The following PTPRA variants were observed in gnomAD, a reference collection of about 807,000 sequenced individuals.
PTPRA encodes the protein receptor-type tyrosine-protein phosphatase alpha.
A neutral mutation model predicts 104.8 loss-of-function variants in PTPRA; 25 were observed. The ratio of observed to expected loss-of-function variants is 0.24; its 90% confidence interval spans 0.17 to 0.33. The LOEUF is 0.33. PTPRA is among the 10% of genes least tolerant of loss of function. The pLI is 1.00. For synonymous variants in PTPRA, 323 were observed against 368.9 expected (o/e 0.88, Z 1.43); for missense variants, 765 against 1,015.3 (o/e 0.75, Z 3.35).
chr20:3,015,757 G>T, intron 11 of PTPRA, 92 bp from the exon 12 acceptor site: 1 of 1,084,190 alleles, frequency 9.2e-7, no homozygotes. Flanking sequence ...ACATTTTCAG[G>T]TTTTGTTAAC....
At chr20:2,918,087 CAAAAAAAAAAA>C (rs149539458) in intron 1 of PTPRA, among the ~76,000 whole-genome samples, 1 of 94,310 alleles carries the variant, frequency 1.1e-5, no homozygotes, top group Non-Finnish European at 2.1e-5. Flanking sequence ...GACTCTGTCT[CAAAAAAAAAAA>C]AAAAAAAAAA....
At chr20:2,982,667 C>T (rs1281307384) in intron 6 of PTPRA, among the ~76,000 whole-genome samples, 2 of 151,820 alleles carry the variant, frequency 1.3e-5, no homozygotes, top group South Asian at 4.2e-4. Flanking sequence ...AAGGTCCTTG[C>T]CTTACAAAAA....
At chr20:3,031,395 T>C (rs776134986) in intron 20 of PTPRA, among the ~76,000 whole-genome samples, 1 of 151,928 alleles carries the variant, frequency 6.6e-6, no homozygotes, top group Admixed American at 6.6e-5. Flanking sequence ...CTACTGGTCT[T>C]GAATCCCCAT....
chr20:3,031,089 C>T (rs559702333), intron 20 of PTPRA, among the ~76,000 whole-genome samples: 10 of 152,130 alleles, frequency 6.6e-5, no homozygotes, highest in Non-Finnish European at 1.0e-4. Context: ...GCCAGGAACT[C>T]CCATGCTGGG....
At chr20:2,908,804 T>C (rs1356748441) in intron 1 of PTPRA, among the ~76,000 whole-genome samples, 2 of 152,218 alleles carry the variant, frequency 1.3e-5, no homozygotes, top group Non-Finnish European at 2.9e-5. Context: ...TTCGACATGA[T>C]GGTTATGCAC....
chr20:2,901,217 C>T (rs2059223897), intron 1 of PTPRA, among the ~76,000 whole-genome samples: 1 of 152,150 alleles, frequency 6.6e-6, no homozygotes, highest in South Asian at 2.1e-4. Flanking sequence ...GATCCACCTG[C>T]TTCGGCCTCC....
chr20:3,010,870 C>T lies in PTPRA; in HGVS notation c.906+3450C>T, dbSNP rs2064139384. On this transcript the variant is annotated intron_variant, in intron 11 of 23. Coordinates refer to ENST00000399903, the MANE Select transcript of PTPRA (RefSeq NM_001385305.1). ...CCCTCTGAGCCTGGGGAATGGGCAC[C>T]TTCCAAGCCAGTGAAAGGTTAATGT... Among the ~76,000 whole-genome samples, 4 of 152,254 alleles carry T rather than the reference C, an allele frequency of 2.6e-5. No individual in the cohort carries two copies. The South Asian group carries it at 8.3e-4, about 32-fold the overall frequency.
chr20:2,911,466 T>A (rs1038470695), intron 1 of PTPRA, among the ~76,000 whole-genome samples: 1 of 152,230 alleles, frequency 6.6e-6, no homozygotes. Context: ...ATGCTGTCAT[T>A]CTTCTCTGCT....
intron 1 of PTPRA, among the ~76,000 whole-genome samples, chr20:2,892,289 CAA>C (rs34741114): frequency 1.8e-3 from 148 of 80,542 alleles, no homozygotes; most frequent in Middle Eastern, 6.8e-3. Flanking sequence ...GACTCTGTCT[CAA>C]AAAAAAAAAA....
Position 3,029,540 on chromosome 20 carries a change from C to CTTTTTTTTTTTTTTTTTTTTTTTTT in PTPRA, c.1920+1717_1920+1718insTTTTTTTTTTTTTTTTTTTTTTTTT, listed in dbSNP as rs71195813. On this transcript the variant is annotated intron_variant, in intron 20 of 23. Transcript: ENST00000399903. ...GACATACTTTGTAGGTCTTCATCAT[C>CTTTTTTTTTTTTTTTTTTTTTTTTT]TTTTTTTTTTTTTTTTTTGAGACGG... Among the ~76,000 whole-genome samples, 7 of 78,064 alleles carry CTTTTTTTTTTTTTTTTTTTTTTTTT rather than the reference C, an allele frequency of 9.0e-5. 2 individuals are homozygous for CTTTTTTTTTTTTTTTTTTTTTTTTT. Among genetic ancestry groups the CTTTTTTTTTTTTTTTTTTTTTTTTT allele is most frequent in the East Asian group, 1.0e-3 (2 of 1,996 alleles). 51.2% of individuals were successfully genotyped at this position (78,064 alleles called of 152,430 possible).
chr20:3,001,351 TG>T (rs2063616987), intron 9 of PTPRA, among the ~76,000 whole-genome samples: 1 of 152,244 alleles, frequency 6.6e-6, no homozygotes. Flanking sequence ...TTAGTCCACC[TG>T]GAGACCTAGT....
At chr20:2,926,597 T>G (rs369673858) in intron 2 of PTPRA, among the ~76,000 whole-genome samples, 61 of 152,040 alleles carry the variant, frequency 4.0e-4, no homozygotes, top group African/African-American at 1.4e-3. Flanking sequence ...TAACATCTTT[T>G]AGGGGACACA....
the PTPRA span, chr20:2,866,546 G>C: frequency 1.2e-6 from 2 of 1,614,164 alleles, no homozygotes; most frequent in Non-Finnish European, 1.7e-6. Flanking sequence ...AAGATTCAAC[G>C]GGCCAGGGCA....
At chr20:2,968,754 T>A (rs2062038980) in intron 5 of PTPRA, among the ~76,000 whole-genome samples, 2 of 151,172 alleles carry the variant, frequency 1.3e-5, no homozygotes, top group African/African-American at 4.9e-5. Flanking sequence ...TCTCTACAAA[T>A]GATTTAGAAA....
At position 2,974,234 on chromosome 20, in the gene PTPRA, G is replaced by A. The variant is rs573676183; in HGVS notation, c.416-981G>A. On this transcript the variant is annotated intron_variant, in intron 5 of 23. Transcript: ENST00000399903. ...CTCCCAAAGTGTTAGGATTACAGGC[G>A]TGAGCCACCGCGCCCGGCCGTCTGT... 6.6e-4 allele frequency among the ~76,000 whole-genome samples: 101 copies of A among 151,982 alleles called. 1 individual carries two copies. The highest frequency in any genetic ancestry group is 2.2e-3 in the African/African-American group (93 of 41,454).
At chr20:2,926,769 C>CTTTTTTTTTTTTTTT (rs777386962) in intron 2 of PTPRA, among the ~76,000 whole-genome samples, 9 of 85,024 alleles carry the variant, frequency 1.1e-4, no homozygotes, top group African/African-American at 1.9e-4. Flanking sequence ...TTTCCTTTTC[C>CTTTTTTTTTTTTTTT]TTTTTTTTTT....
At chr20:2,984,586 G>A (rs541899339) in intron 6 of PTPRA, among the ~76,000 whole-genome samples, 37 of 152,318 alleles carry the variant, frequency 2.4e-4, no homozygotes, top group Non-Finnish European at 3.5e-4. Context: ...GCTTTTAACA[G>A]AATGTAAATC....
intron 2 of PTPRA, among the ~76,000 whole-genome samples, chr20:2,931,843 T>C (rs2060518346): frequency 6.6e-6 from 1 of 152,118 alleles, no homozygotes; most frequent in South Asian, 2.1e-4. Context: ...TCAGGCCTCC[T>C]GAGTTGCTGG....
intron 11 of PTPRA, among the ~76,000 whole-genome samples, chr20:3,007,954 CTGTA>C (rs1344796055): frequency 1.3e-5 from 2 of 151,976 alleles, no homozygotes; most frequent in African/African-American, 4.8e-5. Context: ...ATAGAACAGT[CTGTA>C]TGAGAGATTT....
Sources: allele counts gnomAD v4.1 joint callset (sites outside exome capture counted in the v4.1 genomes callset), GRCh38; gene constraint gnomAD v4.1.1; transcripts MANE v1.5; gene names NCBI Gene and HGNC (gene_info 2026-07-23, HGNC 2026-07-21).